LRFN2: variants seen among roughly 807,000 people sequenced by gnomAD.
LRFN2 encodes leucine-rich repeat and fibronectin type-III domain-containing protein 2.
LRFN2 carries 18 observed loss-of-function variants against 37.3 expected under a neutral mutation model. The observed-to-expected ratio is 0.48, with a 90% CI of 0.33 to 0.72. LRFN2 has a LOEUF of 0.72. Ranked by LOEUF, LRFN2 falls within the 30% of genes least tolerant of loss-of-function variation. LRFN2 has a pLI of 0.02. For missense variants in LRFN2, 1,006 were observed against 1,060.7 expected (o/e 0.95, Z 0.72); for synonymous variants, 556 against 466.6 (o/e 1.19, Z -2.47).
intron 1 of LRFN2, among the ~76,000 whole-genome samples, chr6:40,510,269 A>G (rs183465900): frequency 3.1e-4 from 47 of 152,274 alleles, no homozygotes; most frequent in African/African-American, 1.1e-3. Flanking sequence ...CGGGAATCCT[A>G]TGTGTTACTG....
chr6:40,505,446 T>C (rs1765507228), intron 1 of LRFN2, among the ~76,000 whole-genome samples: 1 of 152,230 alleles, frequency 6.6e-6, no homozygotes, highest in Non-Finnish European at 1.5e-5. Context: ...CGCAGGTTTC[T>C]AAAAGTCCGC....
rs139945875 is a variant in LRFN2, at chr6:40,511,648, G to T, written c.-19+75293C>A. 7.9e-4 allele frequency among the ~76,000 whole-genome samples: 121 copies of T among 152,290 alleles called. 2 individuals are homozygous for T. The highest frequency in any genetic ancestry group is 1.6e-3 in the Non-Finnish European group (110 of 68,036). ...AAGTTTCTGAAAGGAGGCACGAGGG[G>T]TGTTCCAGGAAGCATGTGGGCCAAA... is the stretch of plus-strand genomic sequence containing the variant. On this transcript the variant is annotated intron_variant, in intron 1 of 2. Transcript: ENST00000338305.
intron 1 of LRFN2, among the ~76,000 whole-genome samples, chr6:40,527,501 G>A (rs2113906911): frequency 6.6e-6 from 1 of 152,284 alleles, no homozygotes; most frequent in Non-Finnish European, 1.5e-5. Context: ...CACAAAACCT[G>A]GATTCTTTCT....
chr6:40,413,014 A>G (rs1364653849), intron 2 of LRFN2, among the ~76,000 whole-genome samples: 2 of 152,088 alleles, frequency 1.3e-5, no homozygotes, highest in African/African-American at 4.8e-5. Flanking sequence ...GATTCCCAGC[A>G]CTGCCGTGTT....
At chr6:40,436,472 C>T (rs1438784378) in intron 1 of LRFN2, among the ~76,000 whole-genome samples, 1 of 151,150 alleles carries the variant, frequency 6.6e-6, no homozygotes, top group Non-Finnish European at 1.5e-5. Context: ...AGTTTGCTGA[C>T]CTCTGTTCTA....
chr6:40,426,063 G>A (rs1763346907), intron 2 of LRFN2, among the ~76,000 whole-genome samples: 1 of 152,126 alleles, frequency 6.6e-6, no homozygotes, highest in African/African-American at 2.4e-5. Flanking sequence ...CCTCTGCCAA[G>A]ATTTTTGTCT....
chr6:40,503,310 G>T (rs1378653918), intron 1 of LRFN2, among the ~76,000 whole-genome samples: 1 of 152,174 alleles, frequency 6.6e-6, no homozygotes, highest in East Asian at 1.9e-4. Flanking sequence ...GAAAGAACTG[G>T]AGAGAGATCA....
At chr6:40,568,422 C>A (rs1433557397) in intron 1 of LRFN2, among the ~76,000 whole-genome samples, 1 of 152,160 alleles carries the variant, frequency 6.6e-6, no homozygotes, top group Non-Finnish European at 1.5e-5. Flanking sequence ...TTAGACGGTT[C>A]TCAGGTTTTA....
chr6:40,560,191 A>C (rs1766967684), intron 1 of LRFN2, among the ~76,000 whole-genome samples: 1 of 152,228 alleles, frequency 6.6e-6, no homozygotes, highest in Non-Finnish European at 1.5e-5. Context: ...AAGGGAATCT[A>C]GTCCAGGAGG....
intron 1 of LRFN2, among the ~76,000 whole-genome samples, chr6:40,555,137 C>T (rs543961659): frequency 6.2e-4 from 95 of 152,276 alleles, no homozygotes; most frequent in Middle Eastern, 3.4e-3. Flanking sequence ...ATTAAAAGCG[C>T]TCTGCTGGGG....
At chr6:40,503,569 A>G (rs1765447859) in intron 1 of LRFN2, among the ~76,000 whole-genome samples, 1 of 152,212 alleles carries the variant, frequency 6.6e-6, no homozygotes, top group African/African-American at 2.4e-5. Context: ...TAGAGTTGAC[A>G]GTGCAGATCG....
intron 1 of LRFN2, among the ~76,000 whole-genome samples, chr6:40,547,410 C>T (rs533204711): frequency 3.3e-5 from 5 of 152,242 alleles, no homozygotes; most frequent in African/African-American, 1.2e-4. Flanking sequence ...TGGCCACAAA[C>T]CTTAATTAAA....
At chr6:40,413,186 G>T (rs1763011196) in intron 2 of LRFN2, among the ~76,000 whole-genome samples, 1 of 152,180 alleles carries the variant, frequency 6.6e-6, no homozygotes. Flanking sequence ...TTCATACTCT[G>T]ATATTTCATG....
At chr6:40,467,172 TGA>T (rs1764488768) in intron 1 of LRFN2, among the ~76,000 whole-genome samples, 1 of 143,258 alleles carries the variant, frequency 7.0e-6, no homozygotes. Flanking sequence ...AATGAGATGA[TGA>T]TGATGATGAT....
At chr6:40,408,908 G>A (rs1175722979) in intron 2 of LRFN2, among the ~76,000 whole-genome samples, 2 of 152,170 alleles carry the variant, frequency 1.3e-5, no homozygotes, top group South Asian at 2.1e-4. Flanking sequence ...CACAGAACTG[G>A]AGGCTGGAAG....
chr6:40,446,169 T>C (rs1032154184), intron 1 of LRFN2, among the ~76,000 whole-genome samples: 3 of 152,358 alleles, frequency 2.0e-5, no homozygotes, highest in East Asian at 1.9e-4. Flanking sequence ...AATAGAGCCA[T>C]GACTAGGGAG....
At chr6:40,528,611 C>G (rs918138053) in intron 1 of LRFN2, among the ~76,000 whole-genome samples, 1 of 152,154 alleles carries the variant, frequency 6.6e-6, no homozygotes, top group Admixed American at 6.5e-5. Flanking sequence ...TTTTGACTTC[C>G]GATGAGGTTA....
intron 1 of LRFN2, among the ~76,000 whole-genome samples, chr6:40,473,456 G>A (rs1764646286): frequency 6.6e-6 from 1 of 152,294 alleles, no homozygotes. Flanking sequence ...AGTCATTGGG[G>A]GAAATGGTCA....
chr6:40,504,844 C>A (rs1765489703), intron 1 of LRFN2, among the ~76,000 whole-genome samples: 1 of 152,116 alleles, frequency 6.6e-6, no homozygotes, highest in Admixed American at 6.5e-5. Context: ...TTACAATGAC[C>A]AAAGGCACAC....
Sources: gnomAD v4.1 joint callset for allele counts (sites outside exome capture counted in the v4.1 genomes callset) on GRCh38, gnomAD v4.1.1 for gene constraint, MANE v1.5 for transcripts, NCBI Gene and HGNC (gene_info 2026-07-23, HGNC 2026-07-21) for gene names.